KNDC1: variants seen among roughly 807,000 people sequenced by gnomAD.
KNDC1 encodes the protein kinase non-catalytic C-lobe domain-containing protein 1.
KNDC1 carries 106 observed loss-of-function variants against 172.8 expected under a neutral mutation model. That is an observed-to-expected ratio of 0.61 (90% CI 0.52 to 0.72). The LOEUF (loss-of-function observed/expected upper bound fraction) is 0.72, where lower values mean the gene tolerates loss of function less well. KNDC1 is among the 30% of genes least tolerant of loss of function. KNDC1 has a pLI of 0.00. For missense variants in KNDC1, 2,325 were observed against 2,394.5 expected, an observed-to-expected ratio of 0.97 and a Z score of 0.61; for synonymous variants, 1,083 against 1,062.2, an observed-to-expected ratio of 1.02 and a Z score of -0.38.
At chr10:133,196,563 C>A (rs1854197171) in intron 10 of KNDC1, among the ~76,000 whole-genome samples, 1 of 152,214 alleles carries the variant, frequency 6.6e-6, no homozygotes, top group Non-Finnish European at 1.5e-5. Context: ...GTTGCTCAGA[C>A]CCTGTGGGCC....
chr10:133,183,825 ATGG>A, intron 4 of KNDC1, 44 bp from the exon 5 acceptor site: 2 of 1,419,106 alleles, frequency 1.4e-6, no homozygotes, highest in Non-Finnish European at 1.9e-6. Context: ...GCTGCGGGAG[ATGG>A]CCCCTCCTCC....
chr10:133,199,346 C>G, intron 14 of KNDC1, 80 bp downstream of exon 14: 1 of 1,560,056 alleles, frequency 6.4e-7, no homozygotes, highest in East Asian at 2.2e-5. Flanking sequence ...GCCCCACGCC[C>G]TTCCCCCAGC....
At chr10:133,222,047 C>T (rs987998355) in intron 29 of KNDC1, among the ~76,000 whole-genome samples, 7 of 74,290 alleles carry the variant, frequency 9.4e-5, no homozygotes, top group African/African-American at 1.7e-4. Flanking sequence ...TCTGGGAGGC[C>T]GAGGCGGGCG....
chr10:133,186,732 C>T (rs752928995), intron 6 of KNDC1, 58 bp downstream of exon 6: 327 of 1,257,790 alleles, frequency 2.6e-4, no homozygotes, highest in Middle Eastern at 3.9e-4. Context: ...AGTCCGGGGC[C>T]GGGCCTCTCC....
intron 16 of KNDC1, 33 bp from the exon 17 acceptor site, chr10:133,201,468 C>T (rs1854362367): frequency 1.3e-6 from 2 of 1,553,146 alleles, no homozygotes; most frequent in Non-Finnish European, 1.7e-6. Flanking sequence ...ACAGGAGCCA[C>T]TGTCCACGTA....
At chr10:133,219,933 C>G (rs1243342176) in intron 28 of KNDC1, 22 bp from the exon 29 acceptor site, 2 of 1,544,944 alleles carry the variant, frequency 1.3e-6, no homozygotes, top group Non-Finnish European at 1.7e-6. Context: ...CTCCCCGGCC[C>G]ACGCCCCGGC....
intron 16 of KNDC1, 123 bp downstream of exon 16, chr10:133,200,583 T>A: frequency 2.9e-6 from 2 of 694,824 alleles, no homozygotes; most frequent in Non-Finnish European, 4.0e-6. Context: ...CGGGGCTGCC[T>A]TTGCCCCGGG....
rs748148821 is a variant in KNDC1 at position 133,211,419 on chromosome 10, C to T, written c.3909-3C>T. ...CAGCTCAGCAGCTCCCCTGCGTCTC[C>T]AGGGCCCACCAGGACCCCACCTCGA... On this transcript the variant is annotated splice_polypyrimidine_tract_variant and splice_region_variant and intron_variant, in intron 21 of 29. Transcript: ENST00000304613. The T allele has an allele frequency of 8.7e-6, 14 of 1,609,006 alleles. No homozygotes were observed. The Admixed American group carries it at 2.0e-4, about 23-fold the overall frequency.
Position 133,214,021 on chromosome 10 carries a change from C to T in KNDC1, c.4576C>T (p.Pro1526Ser), listed in dbSNP as rs1554920649. 1 of 1,614,172 alleles carries T rather than the reference C, an allele frequency of 6.2e-7. No individual in the cohort carries two copies. The highest frequency in any genetic ancestry group is 8.5e-7 in the Non-Finnish European group (1 of 1,179,974). ...GGCCAAAACCTGCAGCTTATTTCTG[C>T]CCAATTACGTTCAGGACAAGTATCT... ...LSAKTCSLFL[P>S]NYVQDKYLLQ... Residue 1526 changes from proline (P) to serine (S), a missense_variant, in exon 26 of 30, where the codon CCC becomes TCC. Transcript: ENST00000304613.
intron 24 of KNDC1, among the ~76,000 whole-genome samples, chr10:133,213,327 C>T (rs190516838): frequency 0.022 from 3,362 of 152,374 alleles, 60 homozygotes; most frequent in South Asian, 0.044. Flanking sequence ...CCTCTGCCGC[C>T]ACCACAGCCA....
chr10:133,177,178 A>AGT (rs74643523), intron 3 of KNDC1, among the ~76,000 whole-genome samples: 60,002 of 151,008 alleles, frequency 0.4, 13,583 homozygotes, highest in South Asian at 0.66. Flanking sequence ...TATACAGTAT[A>AGT]GTGTGTCATG....
rs111431734 is a variant in KNDC1, at chr10:133,184,352, C to T, written c.625+363C>T. Among the ~76,000 whole-genome samples, 319 of 147,774 alleles carry T rather than the reference C, an allele frequency of 2.2e-3. 11 individuals carry two copies. Among genetic ancestry groups the T allele is most frequent in the African/African-American group, 5.9e-3 (237 of 40,046 alleles). ...CACCTATGCACATGTGCTGCACACACGCTGCAACACACCCATGCACACACA... is the reference window on the plus strand; with the variant it reads ...CACCTATGCACATGTGCTGCACACATGCTGCAACACACCCATGCACACACA... On this transcript the variant is annotated intron_variant, in intron 5 of 29. Transcript: ENST00000304613.
At position 133,206,757 on chromosome 10, in the gene KNDC1, CAGA is replaced by C; in HGVS notation, c.3463_3465del (p.Lys1155del). 6.2e-7 allele frequency: 1 copy of C among 1,614,088 alleles called. No individual in the cohort carries two copies. The highest frequency in any genetic ancestry group is 1.3e-5 in the African/African-American group (1 of 75,062). On this transcript the variant is annotated inframe_deletion, in exon 18 of 30. Coordinates refer to ENST00000304613, the MANE Select transcript of KNDC1 (RefSeq NM_152643.8). ...CCTGAAGTTCTACCAGAAACTCTTA[CAGA>C]AGGAAAAGAGGAACAAAGGTAAGGC... is the stretch of plus-strand genomic sequence containing the variant.
intron 1 of KNDC1, among the ~76,000 whole-genome samples, chr10:133,165,046 G>C (rs1853104194): frequency 6.6e-6 from 1 of 152,170 alleles, no homozygotes. Flanking sequence ...TTCAGGCCTG[G>C]GAGCCCTCAG....
chr10:133,191,271 C>T (rs540353542), intron 9 of KNDC1, among the ~76,000 whole-genome samples: 26 of 103,940 alleles, frequency 2.5e-4, no homozygotes, highest in African/African-American at 7.3e-4. Flanking sequence ...GGTGTGGTGG[C>T]GCATGCCTGT....
At chr10:133,182,585 G>A (rs144729658) in intron 3 of KNDC1, among the ~76,000 whole-genome samples, 16 of 152,382 alleles carry the variant, frequency 1.0e-4, no homozygotes, top group Non-Finnish European at 1.8e-4. Flanking sequence ...GTCCAGGCCT[G>A]AAGTGCGGCC....
intron 3 of KNDC1, among the ~76,000 whole-genome samples, chr10:133,179,669 C>T (rs1156693376): frequency 2.6e-5 from 4 of 152,252 alleles, no homozygotes; most frequent in South Asian, 2.1e-4. Context: ...GTCCACTTCA[C>T]GTGCGTGGCC....
At chr10:133,218,503 G>A (rs906752006) in intron 26 of KNDC1, among the ~76,000 whole-genome samples, 4 of 146,554 alleles carry the variant, frequency 2.7e-5, no homozygotes, top group African/African-American at 7.3e-5. Flanking sequence ...GGGTGGGGTC[G>A]CCTTTCCCAG....
At chr10:133,173,305 C>G (rs1333617926) in intron 3 of KNDC1, among the ~76,000 whole-genome samples, 1 of 152,186 alleles carries the variant, frequency 6.6e-6, no homozygotes, top group Non-Finnish European at 1.5e-5. Context: ...CTCTTTTCCT[C>G]CTTGTTCTGA....
Sources: gnomAD v4.1 joint callset for allele counts (sites outside exome capture counted in the v4.1 genomes callset) on GRCh38, gnomAD v4.1.1 for gene constraint, MANE v1.5 for transcripts, NCBI Gene and HGNC (gene_info 2026-07-23, HGNC 2026-07-21) for gene names.